The following SLC24A4 variants were observed in gnomAD, a reference collection of about 807,000 sequenced individuals.
The protein encoded by SLC24A4 is sodium/potassium/calcium exchanger 4.
SLC24A4 carries 53 observed loss-of-function variants against 79.0 expected under a neutral mutation model. The observed-to-expected ratio is 0.67, with a 90% CI of 0.54 to 0.84. The LOEUF (loss-of-function observed/expected upper bound fraction) is 0.84. SLC24A4 is among the 40% of genes least tolerant of loss of function. The pLI, the probability that SLC24A4 is intolerant of heterozygous loss-of-function variation, is 0.00. For missense variants in SLC24A4, 731 were observed against 822.0 expected (o/e 0.89, Z 1.35); for synonymous variants, 323 against 323.8 (o/e 1.00, Z 0.03).
In SLC24A4 at chr14:92,416,382, T is replaced by C. The variant is rs138757011; in HGVS notation, c.242-17530T>C. Among the ~76,000 whole-genome samples the C allele has an allele frequency of 3.3e-5, 5 of 152,138 alleles. No homozygotes were observed. In the East Asian group the frequency reaches 7.7e-4, roughly 24 times the overall value. On this transcript the variant is annotated intron_variant, in intron 2 of 16. Coordinates refer to ENST00000532405, the MANE Select transcript of SLC24A4 (RefSeq NM_153646.4). ...ATTGAGCTGGTGGCACCAAAGGAAATGGTGATCAGGTGGCTTTGGGTCACT... is the reference window on the plus strand; with the variant it reads ...ATTGAGCTGGTGGCACCAAAGGAAACGGTGATCAGGTGGCTTTGGGTCACT...
intron 2 of SLC24A4, among the ~76,000 whole-genome samples, chr14:92,339,603 C>G (rs1216647469): frequency 6.6e-6 from 1 of 152,066 alleles, no homozygotes; most frequent in Non-Finnish European, 1.5e-5. Context: ...CCGGGGTAGG[C>G]GGAGGGTCCC....
intron 2 of SLC24A4, among the ~76,000 whole-genome samples, chr14:92,363,513 T>C (rs1018697804): frequency 4.6e-5 from 7 of 152,232 alleles, no homozygotes; most frequent in Non-Finnish European, 7.3e-5. Context: ...GCATGTAGCC[T>C]CCAGATTGAC....
At chr14:92,388,806 C>T (rs1889309239) in intron 2 of SLC24A4, among the ~76,000 whole-genome samples, 1 of 152,192 alleles carries the variant, frequency 6.6e-6, no homozygotes, top group South Asian at 2.1e-4. Flanking sequence ...GTATTTGAGG[C>T]AAGGGCTTCA....
intron 2 of SLC24A4, among the ~76,000 whole-genome samples, chr14:92,419,536 T>C (rs866498050): frequency 1.4e-4 from 22 of 152,238 alleles, no homozygotes; most frequent in Admixed American, 8.5e-4. Flanking sequence ...TCCTGGCTAA[T>C]TGGTGTTCAT....
intron 14 of SLC24A4, among the ~76,000 whole-genome samples, chr14:92,487,589 A>G (rs889827330): frequency 2.0e-5 from 3 of 152,194 alleles, no homozygotes; most frequent in African/African-American, 7.2e-5. Flanking sequence ...GAGTGGAAGT[A>G]CGTTTGCTGG....
At chr14:92,466,249 A>T (rs943996646) in intron 12 of SLC24A4, among the ~76,000 whole-genome samples, 1 of 152,240 alleles carries the variant, frequency 6.6e-6, no homozygotes, top group East Asian at 1.9e-4. Flanking sequence ...AACATGGTTA[A>T]TATCAGCAGT....
intron 3 of SLC24A4, 106 bp downstream of exon 3, chr14:92,434,094 C>G: frequency 1.1e-6 from 1 of 883,424 alleles, no homozygotes; most frequent in Non-Finnish European, 1.9e-6. Flanking sequence ...CTTGTAACAG[C>G]CCAGTGAGGA....
At chr14:92,338,370 T>C (rs1885937366) in intron 2 of SLC24A4, among the ~76,000 whole-genome samples, 1 of 152,258 alleles carries the variant, frequency 6.6e-6, no homozygotes, top group African/African-American at 2.4e-5. Flanking sequence ...CTGTAATAGA[T>C]GCTTAACCCT....
chr14:92,366,595 A>G (rs148881352), intron 2 of SLC24A4, among the ~76,000 whole-genome samples: 284 of 152,288 alleles, frequency 1.9e-3, no homozygotes, highest in African/African-American at 6.5e-3. Flanking sequence ...CTGCCCTGAA[A>G]TAATACCCTT....
chr14:92,458,838 C>T (rs1893634774), intron 12 of SLC24A4, among the ~76,000 whole-genome samples: 1 of 152,186 alleles, frequency 6.6e-6, no homozygotes, highest in Non-Finnish European at 1.5e-5. Flanking sequence ...TCTTTGGGTC[C>T]TGGAGACCAG....
chr14:92,395,973 G>A (rs1163003543), intron 2 of SLC24A4, among the ~76,000 whole-genome samples: 1 of 152,060 alleles, frequency 6.6e-6, no homozygotes, highest in African/African-American at 2.4e-5. Flanking sequence ...TTATAGACGG[G>A]TGCCACCACA....
intron 2 of SLC24A4, among the ~76,000 whole-genome samples, chr14:92,410,757 G>A (rs1246610709): frequency 6.6e-6 from 1 of 152,222 alleles, no homozygotes; most frequent in Non-Finnish European, 1.5e-5. Context: ...ACCAGTAAGT[G>A]TAGAGCAAGA....
chr14:92,490,604 G>A lies in SLC24A4; in HGVS notation c.1538-1061G>A, dbSNP rs555562358. Among the ~76,000 whole-genome samples the A allele has an allele frequency of 6.6e-6, 1 of 152,326 alleles. No homozygotes were observed. Among genetic ancestry groups the A allele is most frequent in the Non-Finnish European group, 1.5e-5 (1 of 68,026 alleles). On this transcript the variant is annotated intron_variant, in intron 14 of 16. Coordinates refer to ENST00000532405, the MANE Select transcript of SLC24A4 (RefSeq NM_153646.4). The surrounding 1 kb of genome is among the most constrained non-coding windows in gnomAD (Gnocchi z 4.3). ...TTGGTAAAAAGGATGCTGTACCAGG[G>A]GACCTTGGGCCGCCTGCAAACTGTG...
chr14:92,326,297 G>A (rs977504571), intron 2 of SLC24A4, among the ~76,000 whole-genome samples: 2 of 152,018 alleles, frequency 1.3e-5, no homozygotes, highest in African/African-American at 4.8e-5. Flanking sequence ...GGGTGTCTTT[G>A]TTTTCTTCCC....
rs114103860 is a variant in SLC24A4 at position 92,490,250 on chromosome 14, C to T, written c.1538-1415C>T. ...ATTCCAAAAACATGTGTATGTGTGC[C>T]AGGTTAGGACAGTGGTGTGGAAGTA... is the stretch of plus-strand genomic sequence containing the variant. On this transcript the variant is annotated intron_variant, in intron 14 of 16. Transcript: ENST00000532405. The surrounding 1 kb of genome is among the most constrained non-coding windows in gnomAD (Gnocchi z 4.3). Among the ~76,000 whole-genome samples the T allele has an allele frequency of 8.1e-3, 1,241 of 152,314 alleles. 18 individuals are homozygous for T. The highest frequency in any genetic ancestry group is 0.028 in the African/African-American group (1,180 of 41,550).
At position 92,498,652 on chromosome 14, in the gene SLC24A4, C is replaced by T. The variant is rs1320700024; in HGVS notation, c.*5024C>T. The T allele has an allele frequency of 2.0e-5, 3 of 152,226 alleles. No individual in the cohort carries two copies. The highest frequency in any genetic ancestry group is 4.4e-5 in the Non-Finnish European group (3 of 68,092). 9.4% of individuals were successfully genotyped at this position (152,226 alleles called of 1,614,324 possible). On this transcript the variant is annotated 3_prime_UTR_variant, in exon 17 of 17. Transcript: ENST00000532405. ...AGCTGGGACTACAGGCACGCGCCAC[C>T]ATGCCCAGCTAATTTTTGGATTTTT...
intron 2 of SLC24A4, among the ~76,000 whole-genome samples, chr14:92,352,246 A>G (rs544882753): frequency 6.6e-6 from 1 of 152,262 alleles, no homozygotes; most frequent in East Asian, 1.9e-4. Context: ...ACCTAGTGAG[A>G]GAGAGCCACC....
At chr14:92,419,460 C>A (rs901502151) in intron 2 of SLC24A4, among the ~76,000 whole-genome samples, 1 of 152,172 alleles carries the variant, frequency 6.6e-6, no homozygotes, top group African/African-American at 2.4e-5. Flanking sequence ...TGAGGAAGTA[C>A]CTGGTGTCCA....
intron 15 of SLC24A4, 67 bp downstream of exon 15, chr14:92,491,844 G>T: frequency 1.5e-6 from 2 of 1,302,786 alleles, no homozygotes; most frequent in African/African-American, 1.5e-5. Context: ...CCCAGTTCCA[G>T]CCAGAGGCTC....
Sources: allele counts gnomAD v4.1 joint callset (sites outside exome capture counted in the v4.1 genomes callset), GRCh38; gene constraint gnomAD v4.1.1; non-coding constraint Gnocchi (gnomAD v3.1); transcripts MANE v1.5; gene names NCBI Gene and HGNC (gene_info 2026-07-23, HGNC 2026-07-21).